ARL13B: variants seen among roughly 807,000 people sequenced by gnomAD.
The protein encoded by ARL13B is ADP-ribosylation factor-like protein 13B.
ARL13B carries 36 observed loss-of-function variants against 56.1 expected under a neutral mutation model. The observed-to-expected ratio is 0.64, with a 90% CI of 0.49 to 0.85. The LOEUF is 0.85. Among genes scored for constraint, ARL13B ranks in the 40% least tolerant of loss-of-function variants. The pLI is 0.00. For synonymous variants in ARL13B, 178 were observed against 171.1 expected (o/e 1.04, Z -0.32); for missense variants, 519 against 507.1 (o/e 1.02, Z -0.23).
Position 94,053,900 on chromosome 3 carries a change from C to A in ARL13B, c.*637C>A, listed in dbSNP as rs1198724682. ...ATAGCGTTGTTCTTTAAGTGTACAT[C>A]GTAATTTGACCTAATTTAAAAATAA... On this transcript the variant is annotated 3_prime_UTR_variant, in exon 10 of 10. Coordinates refer to ENST00000394222, the MANE Select transcript of ARL13B (RefSeq NM_001174150.2). 3.2e-6 allele frequency: 1 copy of A among 315,336 alleles called. No homozygotes were observed. The highest frequency in any genetic ancestry group is 8.0e-5 in the East Asian group (1 of 12,536). The allele number at this position is 315,336 out of a possible 1,614,324, so 19.5% of individuals were successfully genotyped here. A position where few individuals can be genotyped will look rare whatever the true frequency, so the allele number is the denominator to read the frequency against.
At chr3:94,029,553 C>T (rs900279943) in intron 3 of ARL13B, among the ~76,000 whole-genome samples, 3 of 151,350 alleles carry the variant, frequency 2.0e-5, no homozygotes, top group African/African-American at 7.3e-5. Flanking sequence ...GTTTGCCAGG[C>T]TGGTCTCGAA....
chr3:93,991,171 T>A (rs2075869386), intron 1 of ARL13B, among the ~76,000 whole-genome samples: 1 of 152,216 alleles, frequency 6.6e-6, no homozygotes, highest in Admixed American at 6.5e-5. Flanking sequence ...ATTGATTTTA[T>A]TGCTAGTGTC....
chr3:94,045,209 G>A (rs959710098), intron 7 of ARL13B, among the ~76,000 whole-genome samples: 2 of 152,122 alleles, frequency 1.3e-5, no homozygotes, highest in Non-Finnish European at 2.9e-5. Flanking sequence ...TAAGGGCGGT[G>A]CAAGATGTGC....
At chr3:94,015,385 T>A in intron 3 of ARL13B, 1 of 821,458 alleles carries the variant, frequency 1.2e-6, no homozygotes, top group Non-Finnish European at 1.8e-6. Flanking sequence ...AAAGTTCTCC[T>A]AGTTTTCTCA....
intron 3 of ARL13B, among the ~76,000 whole-genome samples, chr3:94,025,925 GGTAA>G (rs2107041192): frequency 6.6e-6 from 1 of 152,128 alleles, no homozygotes; most frequent in South Asian, 2.1e-4. Context: ...TCAGCTTTAA[GGTAA>G]AGTATTTGCC....
intron 9 of ARL13B, among the ~76,000 whole-genome samples, chr3:94,051,389 T>G (rs1180322861): frequency 6.6e-6 from 1 of 152,100 alleles, no homozygotes; most frequent in African/African-American, 2.4e-5. Flanking sequence ...TCAGTAAACC[T>G]AATAAAGTTC....
intron 1 of ARL13B, among the ~76,000 whole-genome samples, chr3:93,984,908 G>A (rs1710375022): frequency 6.6e-6 from 1 of 152,052 alleles, no homozygotes; most frequent in Non-Finnish European, 1.5e-5. Flanking sequence ...TACTTGGGGG[G>A]CTGAGGCAGG....
At chr3:94,029,114 A>G (rs2076615864) in intron 3 of ARL13B, among the ~76,000 whole-genome samples, 1 of 151,084 alleles carries the variant, frequency 6.6e-6, no homozygotes, top group Admixed American at 6.6e-5. Flanking sequence ...TTATCCAGCA[A>G]TATATGTTAA....
At chr3:94,014,510 C>T in intron 3 of ARL13B, 1 of 1,612,190 alleles carries the variant, frequency 6.2e-7, no homozygotes, top group Non-Finnish European at 8.5e-7. Flanking sequence ...GTACTATTCA[C>T]TGTCATTTCA....
At chr3:94,031,556 C>G (rs575499152) in intron 3 of ARL13B, among the ~76,000 whole-genome samples, 1 of 152,226 alleles carries the variant, frequency 6.6e-6, no homozygotes, top group African/African-American at 2.4e-5. Flanking sequence ...CCTGCTGCCT[C>G]AAAATGGGTA....
At chr3:94,019,488 A>G (rs1314520785) in intron 3 of ARL13B, among the ~76,000 whole-genome samples, 2 of 151,958 alleles carry the variant, frequency 1.3e-5, no homozygotes, top group Admixed American at 6.6e-5. Flanking sequence ...AGCCACCGCA[A>G]CTGGTCAAGT....
rs781712936 is a variant in ARL13B at position 94,053,350 on chromosome 3, G to A, written c.*87G>A. On this transcript the variant is annotated 3_prime_UTR_variant, in exon 10 of 10. Transcript: ENST00000394222. ...CAGAAGAAGAAACATCTTGTAAATT[G>A]ATGACTGGGGCAAGATAACCATAAT... The A allele has an allele frequency of 2.3e-5, 27 of 1,170,576 alleles. No individual in the cohort carries two copies. The highest frequency in any genetic ancestry group is 2.3e-4 in the African/African-American group (15 of 66,476). The allele number at this position is 1,170,576 out of a possible 1,614,324, so 72.5% of individuals were successfully genotyped here. A position where few individuals can be genotyped will look rare whatever the true frequency, so the allele number is the denominator to read the frequency against.
intron 3 of ARL13B, among the ~76,000 whole-genome samples, chr3:94,007,055 C>T (rs2076147579): frequency 1.3e-5 from 2 of 152,158 alleles, no homozygotes; most frequent in Admixed American, 1.3e-4. Context: ...CAAATATTTA[C>T]AGCATCTAAT....
At chr3:94,049,002 A>G (rs543613084) in intron 7 of ARL13B, among the ~76,000 whole-genome samples, 1 of 152,350 alleles carries the variant, frequency 6.6e-6, no homozygotes, top group Non-Finnish European at 1.5e-5. Flanking sequence ...GAATCATTCT[A>G]CATATCCCAC....
chr3:94,016,507 A>G (rs1002819879), intron 3 of ARL13B, among the ~76,000 whole-genome samples: 1 of 152,222 alleles, frequency 6.6e-6, no homozygotes, highest in East Asian at 1.9e-4. Context: ...TACTAAAAAT[A>G]ACAAAAATAT....
intron 7 of ARL13B, 120 bp downstream of exon 7, chr3:94,043,360 A>C (rs1272261704): frequency 4.4e-6 from 4 of 908,360 alleles, no homozygotes; most frequent in African/African-American, 1.7e-5. Context: ...CTGTCTTCAA[A>C]TGCCATATTT....
chr3:94,037,218 AT>A, intron 5 of ARL13B, among the ~76,000 whole-genome samples: 1 of 152,322 alleles, frequency 6.6e-6, no homozygotes, highest in African/African-American at 2.4e-5. Context: ...CAGGCTTAAT[AT>A]GTCAATAACG....
intron 7 of ARL13B, among the ~76,000 whole-genome samples, chr3:94,044,725 C>T (rs1408038194): frequency 2.3e-5 from 3 of 132,876 alleles, no homozygotes; most frequent in Non-Finnish European, 4.8e-5. Flanking sequence ...TCTGCCCGGC[C>T]ACCCATCGTC....
intron 3 of ARL13B, among the ~76,000 whole-genome samples, chr3:94,033,707 C>T (rs2076716087): frequency 6.6e-6 from 1 of 152,032 alleles, no homozygotes; most frequent in Non-Finnish European, 1.5e-5. Flanking sequence ...AAATGTAAAT[C>T]CATTAGTTAA....
Sources: gnomAD v4.1 joint callset for allele counts (sites outside exome capture counted in the v4.1 genomes callset) on GRCh38, gnomAD v4.1.1 for gene constraint, MANE v1.5 for transcripts, NCBI Gene and HGNC (gene_info 2026-07-23, HGNC 2026-07-21) for gene names.